The following POMZP3 variants were observed in gnomAD, a reference collection of about 807,000 sequenced individuals.
POMZP3 encodes POM121 and ZP3 fusion protein.
A neutral mutation model predicts 19.8 loss-of-function variants in POMZP3; 10 were observed. That is an observed-to-expected ratio of 0.51 (90% CI 0.31 to 0.86). POMZP3 has a LOEUF of 0.86. POMZP3 is among the 40% of genes least tolerant of loss of function. POMZP3 has a pLI of 0.04. For missense variants in POMZP3, 152 were observed against 228.1 expected, an observed-to-expected ratio of 0.67 and a Z score of 2.15; for synonymous variants, 57 against 85.8, an observed-to-expected ratio of 0.66 and a Z score of 1.85.
chr7:76,613,401 T>C, intron 4 of POMZP3, among the ~76,000 whole-genome samples: 1 of 127,654 alleles, frequency 7.8e-6, no homozygotes. Flanking sequence ...CCACCCTCGT[T>C]AGACAAGTAC....
intron 3 of POMZP3, among the ~76,000 whole-genome samples, chr7:76,620,202 C>T (rs1452129410): frequency 2.3e-5 from 2 of 87,716 alleles, no homozygotes; most frequent in African/African-American, 5.1e-5. Context: ...GTGGCGGGCG[C>T]CTGTAGTCCC....
At chr7:76,623,716 C>CT (rs1815697206) in intron 3 of POMZP3, among the ~76,000 whole-genome samples, 1 of 150,890 alleles carries the variant, frequency 6.6e-6, no homozygotes, top group Non-Finnish European at 1.5e-5. Context: ...AGGAGAATCT[C>CT]TCAAAACCTG....
intron 4 of POMZP3, among the ~76,000 whole-genome samples, chr7:76,614,564 C>A (rs113109227): frequency 0.12 from 5,870 of 47,752 alleles, 1,973 homozygotes; most frequent in African/African-American, 0.46. Context: ...CCATTTCCCC[C>A]AAAAAAAAAA....
Position 76,626,121 on chromosome 7 carries a change from TG to T in POMZP3, c.-58del. 6.2e-7 allele frequency: 1 copy of T among 1,613,180 alleles called. No individual in the cohort carries two copies. Among genetic ancestry groups the T allele is most frequent in the Non-Finnish European group, 8.5e-7 (1 of 1,179,462 alleles). On this transcript the variant is annotated 5_prime_UTR_variant, in exon 2 of 7. Transcript: ENST00000310842. ...TTGTGATAACCATTCCAGCACACTG[TG>T]GGAAGTACCCCCGGACAGGAATACT...
At chr7:76,624,697 G>C (rs1799236) in intron 3 of POMZP3, among the ~76,000 whole-genome samples, 92,651 of 148,412 alleles carry the variant, frequency 0.62, 29,836 homozygotes, top group African/African-American at 0.78. Flanking sequence ...CCACCTGCCT[G>C]GGCCTCTCAA....
intron 6 of POMZP3, among the ~76,000 whole-genome samples, chr7:76,611,132 C>T (rs1247126701): frequency 6.9e-6 from 1 of 144,424 alleles, no homozygotes; most frequent in Admixed American, 7.0e-5. Context: ...CCTTGGCCTC[C>T]CAAAGTGTTG....
At chr7:76,620,641 T>C (rs1410574535) in intron 3 of POMZP3, among the ~76,000 whole-genome samples, 1 of 151,724 alleles carries the variant, frequency 6.6e-6, no homozygotes, top group Non-Finnish European at 1.5e-5. Flanking sequence ...CTAATTTTTG[T>C]ATTTTTAGTA....
intron 4 of POMZP3, among the ~76,000 whole-genome samples, chr7:76,616,094 C>A (rs1400612627): frequency 8.1e-6 from 1 of 123,932 alleles, no homozygotes; most frequent in Non-Finnish European, 1.7e-5. Context: ...ACCAGCCTGG[C>A]CAAAATGATG....
chr7:76,611,342 A>G, intron 6 of POMZP3, 112 bp downstream of exon 6: 6 of 1,154,036 alleles, frequency 5.2e-6, no homozygotes, highest in Non-Finnish European at 7.2e-6. Context: ...AGGCCTAGGT[A>G]CAAACAGTTT....
intron 3 of POMZP3, among the ~76,000 whole-genome samples, chr7:76,623,718 C>T (rs1815697337): frequency 6.6e-6 from 1 of 150,866 alleles, no homozygotes; most frequent in Non-Finnish European, 1.5e-5. Flanking sequence ...GAGAATCTCT[C>T]AAAACCTGGG....
intron 1 of POMZP3, 192 bp from the exon 2 acceptor site, chr7:76,626,407 G>A (rs1815902862): frequency 9.7e-6 from 6 of 616,464 alleles, no homozygotes; most frequent in Non-Finnish European, 5.7e-6. Flanking sequence ...CTGCTTAACA[G>A]CTGTCTCAAC....
chr7:76,626,216 C>G lies in POMZP3; in HGVS notation c.-151-1G>C, dbSNP rs1584358403. The G allele has an allele frequency of 6.5e-7, 1 of 1,550,372 alleles. No homozygotes were observed. The highest frequency in any genetic ancestry group is 1.7e-4 in the Middle Eastern group (1 of 5,984). On this transcript the variant is annotated splice_acceptor_variant, in intron 1 of 6. Coordinates refer to ENST00000310842, the MANE Select transcript of POMZP3 (RefSeq NM_012230.5). LOFTEE classifies it low-confidence loss of function (5UTR_SPLICE). ...CCGATCTGGTAAAGTCCCACGATCC[C>G]TGCAGAGAATGCGAGACAAATCATG...
At chr7:76,617,266 ATTTAC>A (rs2116858518) in intron 4 of POMZP3, among the ~76,000 whole-genome samples, 1 of 83,526 alleles carries the variant, frequency 1.2e-5, no homozygotes, top group Admixed American at 1.2e-4. Flanking sequence ...GCACCAGGCA[ATTTAC>A]TTCTAACCAC....
chr7:76,623,188 T>G (rs1231244078), intron 3 of POMZP3, among the ~76,000 whole-genome samples: 2 of 151,348 alleles, frequency 1.3e-5, no homozygotes, highest in East Asian at 1.9e-4. Flanking sequence ...GATTGTGGTT[T>G]TTTTTTTTTA....
Position 76,615,989 on chromosome 7 carries a change from A to C in POMZP3, c.345+2194T>G, listed in dbSNP as rs6947757. On this transcript the variant is annotated intron_variant, in intron 4 of 6. Coordinates refer to ENST00000310842, the MANE Select transcript of POMZP3 (RefSeq NM_012230.5). ...AGACCCTCTCAAAAAAAAAAAAAAA[A>C]GGGGGGGGGGGCAGGTGGCACGTGG... Among the ~76,000 whole-genome samples the C allele has an allele frequency of 6.0e-4, 14 of 23,488 alleles. 2 individuals are homozygous for C. The highest frequency in any genetic ancestry group is 2.5e-3 in the South Asian group (1 of 404). The allele number at this position is 23,488 out of a possible 152,430, so 15.4% of individuals were successfully genotyped here.
At position 76,627,213 on chromosome 7, in the gene POMZP3, G is replaced by A. The variant is rs1050547132; in HGVS notation, c.-657C>T. ...GCCCTGACACTCGCTATCGGCCGCC[G>A]CCGCTCGCCTGCTCCAGCCGCCGCA... On this transcript the variant is annotated 5_prime_UTR_variant, in exon 1 of 7. Transcript: ENST00000310842. 8 of 1,430,676 alleles carry A rather than the reference G, an allele frequency of 5.6e-6. No individual in the cohort carries two copies. Among genetic ancestry groups the A allele is most frequent in the Middle Eastern group, 2.4e-4 (1 of 4,120 alleles). 88.6% of individuals were successfully genotyped at this position (1,430,676 alleles called of 1,614,324 possible).
At chr7:76,616,652 C>T (rs62475921) in intron 4 of POMZP3, among the ~76,000 whole-genome samples, 1 of 92,958 alleles carries the variant, frequency 1.1e-5, no homozygotes, top group Non-Finnish European at 2.3e-5. Flanking sequence ...GTCAGGAGTT[C>T]CAGACCAGCC....
In POMZP3 at chr7:76,627,185, C is replaced by A; in HGVS notation, c.-629G>T. 6.9e-7 allele frequency: 1 copy of A among 1,443,438 alleles called. No homozygotes were observed. The highest frequency in any genetic ancestry group is 9.2e-7 in the Non-Finnish European group (1 of 1,086,940). The allele number at this position is 1,443,438 out of a possible 1,614,324, so 89.4% of individuals were successfully genotyped here. A position where few individuals can be genotyped will look rare whatever the true frequency, so the allele number is the denominator to read the frequency against. ...GACAGGCCGAGAAGCGCCGCCCCGG[C>A]CGGCCCTGACACTCGCTATCGGCCG... On this transcript the variant is annotated 5_prime_UTR_variant, in exon 1 of 7. Coordinates refer to ENST00000310842, the MANE Select transcript of POMZP3 (RefSeq NM_012230.5).
At chr7:76,623,730 G>A (rs1815697844) in intron 3 of POMZP3, among the ~76,000 whole-genome samples, 1 of 151,366 alleles carries the variant, frequency 6.6e-6, no homozygotes, top group Non-Finnish European at 1.5e-5. Flanking sequence ...AAACCTGGGA[G>A]GCGGAGGTTG....
Sources: allele counts gnomAD v4.1 joint callset (sites outside exome capture counted in the v4.1 genomes callset), GRCh38; gene constraint gnomAD v4.1.1; transcripts MANE v1.5; gene names NCBI Gene and HGNC (gene_info 2026-07-23, HGNC 2026-07-21).